ATXN2: variants seen among roughly 807,000 people sequenced by gnomAD.
ATXN2 encodes ataxin-2.
In ATXN2, 37 loss-of-function variants were observed where a neutral mutation model predicts 138.6. The observed-to-expected ratio is 0.27, with a 90% confidence interval of 0.21 to 0.35. The LOEUF is 0.35. Ranked by LOEUF, ATXN2 falls within the 10% of genes least tolerant of loss-of-function variation. The pLI, the probability that ATXN2 is intolerant of heterozygous loss-of-function variation, is 1.00. For synonymous variants in ATXN2, 549 were observed against 543.7 expected, an observed-to-expected ratio of 1.01 and a Z score of -0.13; for missense variants, 1,216 against 1,480.3, an observed-to-expected ratio of 0.82 and a Z score of 2.93.
At chr12:111,494,427 T>C (rs999275648) in intron 14 of ATXN2, among the ~76,000 whole-genome samples, 2 of 145,096 alleles carry the variant, frequency 1.4e-5, no homozygotes, top group Admixed American at 6.8e-5. Context: ...TGTGATCTCT[T>C]TTTTTTTTTT....
At chr12:111,586,590 G>A (rs1467008051) in intron 1 of ATXN2, among the ~76,000 whole-genome samples, 2 of 151,768 alleles carry the variant, frequency 1.3e-5, no homozygotes, top group Non-Finnish European at 2.9e-5. Flanking sequence ...GTTTCACCCT[G>A]TTGGCCAGAA....
Position 111,598,137 on chromosome 12 carries a change from C to T in ATXN2, c.251+647G>A. On this transcript the variant is annotated intron_variant, in intron 1 of 24. Coordinates refer to ENST00000673436, the MANE Select transcript of ATXN2 (RefSeq NM_001372574.1). The surrounding 1 kb of genome is among the most constrained non-coding windows in gnomAD (Gnocchi z 4.5). ...AGTTCGGGAGCCCCCGCCGCCGCCT[C>T]GGACACGAACGCAGAGGGGTGCGGG... 1 of 1,114,810 alleles carries T rather than the reference C, an allele frequency of 9.0e-7. No homozygotes were observed. 69.1% of individuals were successfully genotyped at this position (1,114,810 alleles called of 1,614,324 possible).
Position 111,598,739 on chromosome 12 carries a change from G to A in ATXN2, c.251+45C>T, listed in dbSNP as rs1051257329. 16 of 1,141,482 alleles carry A rather than the reference G, an allele frequency of 1.4e-5. No homozygotes were observed. Among genetic ancestry groups the A allele is most frequent in the Non-Finnish European group, 1.7e-5 (16 of 926,496 alleles). 70.7% of individuals were successfully genotyped at this position (1,141,482 alleles called of 1,614,324 possible). A position where few individuals can be genotyped will look rare whatever the true frequency, so the allele number is the denominator to read the frequency against. ...ACGGCGGCGCGGGCCGCGGGGGAGG[G>A]GACGCCGGGCCCGGAGCGGAGGGGG... On this transcript the variant is annotated intron_variant, in intron 1 of 24. Transcript: ENST00000673436. This position sits in a 1 kb window ranked among gnomAD's most constrained non-coding sequence, Gnocchi z 4.5.
At chr12:111,589,011 AAAAAAAAAAAAAAC>A in intron 1 of ATXN2, among the ~76,000 whole-genome samples, 1 of 147,570 alleles carries the variant, frequency 6.8e-6, no homozygotes, top group South Asian at 2.2e-4. Flanking sequence ...AAAAAAAAAA[AAAAAAAAAAAAAAC>A]TAAACCAAAC....
intron 1 of ATXN2, among the ~76,000 whole-genome samples, chr12:111,557,700 T>C (rs1462974800): frequency 6.6e-6 from 1 of 152,240 alleles, no homozygotes; most frequent in Non-Finnish European, 1.5e-5. Flanking sequence ...TCCTAGGTTA[T>C]GCTGCCTCTC....
At chr12:111,457,087 G>T in intron 22 of ATXN2, 127 bp downstream of exon 22, 2 of 1,205,554 alleles carry the variant, frequency 1.7e-6, no homozygotes, top group Non-Finnish European at 1.1e-6. Context: ...CAGGGGCACA[G>T]CTGTATCCAT....
rs35316415 is a variant in ATXN2, at chr12:111,596,205, A to AACACACACACACAC, written c.251+2565_251+2578dup. ...GGCGACAGAGTGAGATTCCATCCAA[A>AACACACACACACAC]ACACACACACACACACACACACACA... On this transcript the variant is annotated intron_variant, in intron 1 of 24. Coordinates refer to ENST00000673436, the MANE Select transcript of ATXN2 (RefSeq NM_001372574.1). Among the ~76,000 whole-genome samples, 10 of 141,850 alleles carry AACACACACACACAC rather than the reference A, an allele frequency of 7.0e-5. No homozygotes were observed. In the East Asian group the frequency reaches 1.3e-3, roughly 18 times the overall value. 93.1% of individuals were successfully genotyped at this position (141,850 alleles called of 152,430 possible).
intron 3 of ATXN2, among the ~76,000 whole-genome samples, chr12:111,553,957 A>C (rs1882258270): frequency 6.6e-6 from 1 of 152,160 alleles, no homozygotes; most frequent in Admixed American, 6.6e-5. Flanking sequence ...TGGAACCCAC[A>C]GATGCAGAGG....
chr12:111,514,374 G>C (rs1027134394), intron 10 of ATXN2, among the ~76,000 whole-genome samples: 5 of 152,182 alleles, frequency 3.3e-5, no homozygotes, highest in Admixed American at 1.3e-4. Context: ...AGGTAAAAGA[G>C]TGGACAGAAT....
chr12:111,548,910 A>T (rs1289224636), intron 5 of ATXN2, among the ~76,000 whole-genome samples: 1 of 152,162 alleles, frequency 6.6e-6, no homozygotes, highest in African/African-American at 2.4e-5. Context: ...TTTAGTAAAG[A>T]CGGGGTTTCA....
rs761433806 is a variant in ATXN2, at chr12:111,585,801, C to CAA, written c.251+12981_251+12982dup. ...GGGTGACAAGAGCAAAACTCCATCT[C>CAA]AAAAAAAAAAAAAAAAAAAAAAAAA... On this transcript the variant is annotated intron_variant, in intron 1 of 24. Coordinates refer to ENST00000673436, the MANE Select transcript of ATXN2 (RefSeq NM_001372574.1). Among the ~76,000 whole-genome samples, 233 of 24,764 alleles carry CAA rather than the reference C, an allele frequency of 9.4e-3. 18 individuals carry two copies. Among genetic ancestry groups the CAA allele is most frequent in the South Asian group, 0.048 (11 of 230 alleles). The allele number at this position is 24,764 out of a possible 152,430, so 16.2% of individuals were successfully genotyped here. A position where few individuals can be genotyped will look rare whatever the true frequency, so the allele number is the denominator to read the frequency against.
At chr12:111,518,206 C>A in intron 9 of ATXN2, 43 bp downstream of exon 9, 1 of 1,466,530 alleles carries the variant, frequency 6.8e-7, no homozygotes, top group African/African-American at 1.4e-5. Flanking sequence ...ATTTAGAAAA[C>A]TATTTTATCA....
At chr12:111,535,519 G>A (rs113152900) in intron 5 of ATXN2, among the ~76,000 whole-genome samples, 11 of 152,242 alleles carry the variant, frequency 7.2e-5, no homozygotes, top group African/African-American at 2.6e-4. Context: ...CTTCTCGGGA[G>A]GCTCAGGCAG....
At chr12:111,550,164 C>A (rs955649148) in intron 5 of ATXN2, among the ~76,000 whole-genome samples, 3 of 151,830 alleles carry the variant, frequency 2.0e-5, no homozygotes, top group Admixed American at 6.6e-5. Flanking sequence ...TAATATATAG[C>A]AAAATACACC....
chr12:111,478,805 G>A (rs900994943), intron 18 of ATXN2, among the ~76,000 whole-genome samples: 19 of 151,914 alleles, frequency 1.3e-4, no homozygotes, highest in African/African-American at 3.4e-4. Flanking sequence ...TCAGGAGTTC[G>A]AGACCAGCCT....
Position 111,456,131 on chromosome 12 carries a change from T to G in ATXN2, c.3168A>C (p.Pro1056=). Reference sequence around the variant, plus strand: ...GTTGTGCTGCTGGGAAACTATTCTGTGGCGACTGCGTGTTGGAGGCAGGTG... The same window carrying G: ...GTTGTGCTGCTGGGAAACTATTCTGGGGCGACTGCGTGTTGGAGGCAGGTG... ...SMTPASNTQS[P]QNSFPAAQQT... is the part of the protein sequence containing the mutation. The change falls in exon 23 of 25, where the codon CCA becomes CCC. Residue 1056 remains proline (P), a synonymous_variant. Transcript: ENST00000673436. The G allele has an allele frequency of 6.2e-7, 1 of 1,614,236 alleles. No individual in the cohort carries two copies. The highest frequency in any genetic ancestry group is 8.5e-7 in the Non-Finnish European group (1 of 1,180,046).
At chr12:111,547,293 G>T (rs1881846237) in intron 5 of ATXN2, among the ~76,000 whole-genome samples, 1 of 152,150 alleles carries the variant, frequency 6.6e-6, no homozygotes, top group Non-Finnish European at 1.5e-5. Flanking sequence ...TGGGCATGGT[G>T]GCAGACGCCT....
rs1263707705 is a variant in ATXN2, at chr12:111,515,219, G to C, written c.1375+935C>G. ...AATACAGTTTTCTCCAGGGAAGCAG[G>C]AGAAACACATTTTGTGCGGAAAACT... On this transcript the variant is annotated intron_variant, in intron 10 of 24. Coordinates refer to ENST00000673436, the MANE Select transcript of ATXN2 (RefSeq NM_001372574.1). 6.6e-5 allele frequency among the ~76,000 whole-genome samples: 10 copies of C among 152,136 alleles called. No homozygotes were observed. The East Asian group carries it at 1.7e-3, about 26-fold the overall frequency.
intron 14 of ATXN2, among the ~76,000 whole-genome samples, chr12:111,491,570 T>TA (rs1423967589): frequency 6.6e-6 from 1 of 152,082 alleles, no homozygotes; most frequent in Non-Finnish European, 1.5e-5. Flanking sequence ...CACAGTAAAA[T>TA]AAAGCACCAA....
Sources: gnomAD v4.1 joint callset for allele counts (sites outside exome capture counted in the v4.1 genomes callset) on GRCh38, gnomAD v4.1.1 for gene constraint, Gnocchi (gnomAD v3.1) non-coding constraint, MANE v1.5 for transcripts, NCBI Gene and HGNC (gene_info 2026-07-23, HGNC 2026-07-21) for gene names.